Variants in LHFPL6 observed in about 807,000 individuals in gnomAD.
The protein encoded by LHFPL6 is LHFPL tetraspan subfamily member 6.
LHFPL6 carries 9 observed loss-of-function variants against 20.6 expected under a neutral mutation model. The ratio of observed to expected loss-of-function variants is 0.44; its 90% CI spans 0.26 to 0.76. The LOEUF (loss-of-function observed/expected upper bound fraction) is 0.76. LHFPL6 is among the 30% of genes least tolerant of loss of function. The pLI is 0.20. For synonymous variants in LHFPL6, 105 were observed against 98.7 expected (o/e 1.06, Z -0.38); for missense variants, 218 against 253.5 (o/e 0.86, Z 0.95).
chr13:39,392,389 G>C (rs372995467), intron 2 of LHFPL6, among the ~76,000 whole-genome samples: 13 of 152,224 alleles, frequency 8.5e-5, no homozygotes, highest in Non-Finnish European at 4.4e-5. Context: ...GAGGTCAGGA[G>C]TTCGAGACCA....
At chr13:39,452,189 G>T (rs1277544301) in intron 2 of LHFPL6, among the ~76,000 whole-genome samples, 6 of 151,956 alleles carry the variant, frequency 3.9e-5, no homozygotes, top group African/African-American at 1.5e-4. Context: ...GGGCTGCGGA[G>T]GGAAGTGAAG....
intron 2 of LHFPL6, among the ~76,000 whole-genome samples, chr13:39,380,667 ATT>A (rs1181238179): frequency 6.6e-6 from 1 of 151,932 alleles, no homozygotes; most frequent in Non-Finnish European, 1.5e-5. Flanking sequence ...TAATTTTTGT[ATT>A]TTTAGTAGAG....
At chr13:39,501,101 A>G (rs4941928) in intron 2 of LHFPL6, among the ~76,000 whole-genome samples, 82,062 of 151,940 alleles carry the variant, frequency 0.54, 22,601 homozygotes, top group Admixed American at 0.59. Flanking sequence ...AAGTGTGGGC[A>G]CCTTTGAGGT....
At chr13:39,409,694 A>G (rs1445361029) in intron 2 of LHFPL6, among the ~76,000 whole-genome samples, 1 of 152,196 alleles carries the variant, frequency 6.6e-6, no homozygotes, top group African/African-American at 2.4e-5. Context: ...TAAAGTAACC[A>G]TTGAATTATT....
At chr13:39,364,771 T>C (rs1362135134) in intron 3 of LHFPL6, among the ~76,000 whole-genome samples, 6 of 152,140 alleles carry the variant, frequency 3.9e-5, no homozygotes, top group Non-Finnish European at 7.4e-5. Flanking sequence ...CCCCACCCAA[T>C]AGTTTTCTTA....
intron 2 of LHFPL6, among the ~76,000 whole-genome samples, chr13:39,564,871 G>A (rs976307516): frequency 3.9e-5 from 6 of 152,178 alleles, no homozygotes; most frequent in African/African-American, 1.4e-4. Context: ...ATGGGGCAAG[G>A]TTCTGTAAAC....
At chr13:39,363,580 C>G (rs889533119) in intron 3 of LHFPL6, among the ~76,000 whole-genome samples, 2 of 152,160 alleles carry the variant, frequency 1.3e-5, no homozygotes, top group Non-Finnish European at 1.5e-5. Flanking sequence ...TAAGCCATCT[C>G]CCGTACTTTC....
chr13:39,505,168 T>G (rs928338057), intron 2 of LHFPL6, among the ~76,000 whole-genome samples: 1 of 152,194 alleles, frequency 6.6e-6, no homozygotes. Context: ...CAGTCAACCA[T>G]TCCAGGAGGA....
At chr13:39,362,365 TC>T (rs1360283621) in intron 3 of LHFPL6, among the ~76,000 whole-genome samples, 4 of 152,332 alleles carry the variant, frequency 2.6e-5, no homozygotes, top group African/African-American at 4.8e-5. Flanking sequence ...TCCTGAGGCC[TC>T]CCCTGCCATG....
rs756636287 is a variant in LHFPL6, at chr13:39,601,213, C to G, written c.4G>C (p.Ala2Pro). The G allele has an allele frequency of 4.4e-6, 7 of 1,604,806 alleles. No individual in the cohort carries two copies. The Admixed American group carries it at 1.2e-4, about 27-fold the overall frequency. The change falls in exon 2 of 4, where the codon GCA becomes CCA. Residue 2 changes from alanine to proline, a missense_variant. Transcript: ENST00000379589. ...ACTCCAGTACAAGTCAGGCTGGATG[C>G]CATCTTTCACCAGATAGGGCAATGA... Reference protein sequence around the residue: MASSLTCTGVIW... With the variant: MPSSLTCTGVIW...
chr13:39,514,963 G>A (rs1202381777), intron 2 of LHFPL6, among the ~76,000 whole-genome samples: 1 of 152,138 alleles, frequency 6.6e-6, no homozygotes, highest in Non-Finnish European at 1.5e-5. Flanking sequence ...AGTTTTCTAG[G>A]CATTCGCAGG....
chr13:39,529,914 T>C (rs752085612), intron 2 of LHFPL6, among the ~76,000 whole-genome samples: 1 of 152,318 alleles, frequency 6.6e-6, no homozygotes, highest in African/African-American at 2.4e-5. Context: ...TTGCACGAAG[T>C]GTCAAGAAGA....
intron 2 of LHFPL6, among the ~76,000 whole-genome samples, chr13:39,556,519 G>A (rs923631843): frequency 1.3e-5 from 2 of 152,312 alleles, no homozygotes; most frequent in Middle Eastern, 3.4e-3. Flanking sequence ...GGGATGTGTG[G>A]AAGTTTGCAC....
chr13:39,441,397 G>A (rs889772444), intron 2 of LHFPL6, among the ~76,000 whole-genome samples: 20 of 152,056 alleles, frequency 1.3e-4, no homozygotes, highest in African/African-American at 4.3e-4. Context: ...TATGGCTGGG[G>A]CAGCAATTTG....
chr13:39,442,571 A>T (rs1872168670), intron 2 of LHFPL6, among the ~76,000 whole-genome samples: 1 of 152,220 alleles, frequency 6.6e-6, no homozygotes. Flanking sequence ...CTGGAGACAG[A>T]ACCAATTCTG....
At chr13:39,512,768 G>C (rs1447827439) in intron 2 of LHFPL6, among the ~76,000 whole-genome samples, 1 of 152,212 alleles carries the variant, frequency 6.6e-6, no homozygotes, top group Non-Finnish European at 1.5e-5. Context: ...AAGCAGGTAG[G>C]ACAGCTTGAC....
At chr13:39,455,048 T>C (rs1178965310) in intron 2 of LHFPL6, among the ~76,000 whole-genome samples, 1 of 152,142 alleles carries the variant, frequency 6.6e-6, no homozygotes, top group Non-Finnish European at 1.5e-5. Flanking sequence ...AAGCTGTCTT[T>C]CAATCAGAAA....
intron 2 of LHFPL6, among the ~76,000 whole-genome samples, chr13:39,487,038 C>T (rs892247917): frequency 6.6e-6 from 1 of 152,230 alleles, no homozygotes; most frequent in South Asian, 2.1e-4. Flanking sequence ...CCCTTTCTAT[C>T]CAAAGAAAGA....
intron 2 of LHFPL6, among the ~76,000 whole-genome samples, chr13:39,581,823 G>C (rs139822369): frequency 6.6e-6 from 1 of 152,092 alleles, no homozygotes; most frequent in South Asian, 2.1e-4. Flanking sequence ...TCTGAGGGGA[G>C]GCTTAAAATT....
Sources: gnomAD v4.1 joint callset for allele counts (sites outside exome capture counted in the v4.1 genomes callset) on GRCh38, gnomAD v4.1.1 for gene constraint, MANE v1.5 for transcripts, NCBI Gene and HGNC (gene_info 2026-07-23, HGNC 2026-07-21) for gene names.